Variants in CAST observed in about 807,000 individuals in gnomAD.
The protein encoded by CAST is calpastatin.
A neutral mutation model predicts 119.6 loss-of-function variants in CAST; 76 were observed. The ratio of observed to expected loss-of-function variants is 0.64; its 90% CI spans 0.53 to 0.77. The LOEUF is 0.77. Among genes scored for constraint, CAST ranks in the 30% least tolerant of loss-of-function variants. CAST has a pLI of 0.00. For synonymous variants in CAST, 319 were observed against 331.6 expected, an observed-to-expected ratio of 0.96 and a Z score of 0.41; for missense variants, 953 against 946.5, an observed-to-expected ratio of 1.01 and a Z score of -0.09.
At chr5:96,447,498 A>T in the CAST span, among the ~76,000 whole-genome samples, 1 of 152,154 alleles carries the variant, frequency 6.6e-6, no homozygotes, top group Admixed American at 6.6e-5. Flanking sequence ...ACTCACACAC[A>T]TCCACACACG....
At chr5:96,628,912 C>G (rs1747772041) in intron 1 of CAST, among the ~76,000 whole-genome samples, 1 of 152,150 alleles carries the variant, frequency 6.6e-6, no homozygotes, top group African/African-American at 2.4e-5. Context: ...TGTGGCAATT[C>G]TGATGCACAT....
At chr5:96,264,225 C>G in the CAST span, among the ~76,000 whole-genome samples, 1 of 152,092 alleles carries the variant, frequency 6.6e-6, no homozygotes, top group African/African-American at 2.4e-5. Context: ...GGAGTCTTAG[C>G]GCAATATTCA....
At chr5:96,459,794 T>C in the CAST span, among the ~76,000 whole-genome samples, 9 of 152,214 alleles carry the variant, frequency 5.9e-5, no homozygotes, top group African/African-American at 2.2e-4. Flanking sequence ...TTTGCTTGTG[T>C]AATTATGCAT....
the CAST span, among the ~76,000 whole-genome samples, chr5:96,011,983 G>A: frequency 3.9e-5 from 6 of 152,216 alleles, no homozygotes; most frequent in South Asian, 1.2e-3. Context: ...TTTGCTTGGG[G>A]TAGATGTACT....
the CAST span, among the ~76,000 whole-genome samples, chr5:96,270,705 C>T: frequency 4.0e-5 from 6 of 151,460 alleles, no homozygotes; most frequent in Admixed American, 2.6e-4. Flanking sequence ...GGGGCCTATC[C>T]GAGGGGGTGA....
the CAST span, chr5:96,400,187 C>T: frequency 6.2e-7 from 1 of 1,610,342 alleles, no homozygotes; most frequent in South Asian, 1.1e-5. Flanking sequence ...GAGATTTGGG[C>T]TGGAGGGGAA....
At chr5:96,280,819 CCT>C in the CAST span, among the ~76,000 whole-genome samples, 1 of 152,028 alleles carries the variant, frequency 6.6e-6, no homozygotes, top group African/African-American at 2.4e-5. Context: ...ACACTAAGCC[CCT>C]GTTACCTCAA....
At chr5:96,553,041 T>C (rs1489954873) in intron 1 of CAST, among the ~76,000 whole-genome samples, 2 of 152,170 alleles carry the variant, frequency 1.3e-5, no homozygotes, top group African/African-American at 4.8e-5. Flanking sequence ...ATAGAGGGAA[T>C]CCTCACTAAC....
the CAST span, among the ~76,000 whole-genome samples, chr5:96,154,135 G>A: frequency 2.6e-5 from 4 of 151,940 alleles, no homozygotes; most frequent in Admixed American, 6.6e-5. Flanking sequence ...AAAATTAGCC[G>A]GGTGTGGTGG....
chr5:96,572,890 G>C (rs1746594786), intron 1 of CAST, among the ~76,000 whole-genome samples: 1 of 152,210 alleles, frequency 6.6e-6, no homozygotes, highest in Admixed American at 6.5e-5. Flanking sequence ...TGGATGCACA[G>C]CATCATGCAC....
At chr5:96,283,137 A>AAG in the CAST span, among the ~76,000 whole-genome samples, 1 of 132,984 alleles carries the variant, frequency 7.5e-6, no homozygotes, top group East Asian at 2.2e-4. Flanking sequence ...CTCAAAAAAA[A>AAG]AAAAAAAAGA....
chr5:96,186,820 T>C, the CAST span, among the ~76,000 whole-genome samples: 1 of 152,202 alleles, frequency 6.6e-6, no homozygotes, highest in Non-Finnish European at 1.5e-5. Context: ...CTTTTTTTGT[T>C]GTATCTCTGC....
At chr5:96,168,341 G>C in the CAST span, among the ~76,000 whole-genome samples, 1 of 152,310 alleles carries the variant, frequency 6.6e-6, no homozygotes, top group African/African-American at 2.4e-5. Context: ...GCCTTGAGAA[G>C]TGTTTTTATT....
chr5:96,124,497 CTTGAAACACATCCAACTATATGG>C, the CAST span, among the ~76,000 whole-genome samples: 56 of 152,268 alleles, frequency 3.7e-4, no homozygotes, highest in African/African-American at 1.3e-3. Context: ...TTTTAAAAAT[CTTGAAACACATCCAACTATATGG>C]TTGACTCAGA....
At chr5:96,441,686 T>C in the CAST span, among the ~76,000 whole-genome samples, 2 of 152,202 alleles carry the variant, frequency 1.3e-5, no homozygotes, top group African/African-American at 2.4e-5. Flanking sequence ...GTATAAAGTA[T>C]GTAGAAAGCA....
chr5:96,353,612 A>T, the CAST span, among the ~76,000 whole-genome samples: 1 of 151,462 alleles, frequency 6.6e-6, no homozygotes, highest in Non-Finnish European at 1.5e-5. Flanking sequence ...ACAAAAGGAC[A>T]GATGAAGGAT....
the CAST span, among the ~76,000 whole-genome samples, chr5:96,095,561 A>C: frequency 4.2e-5 from 1 of 23,556 alleles, no homozygotes; most frequent in African/African-American, 1.4e-4. Context: ...TGTTTCAAAA[A>C]AAAAAAAAAA....
chr5:96,355,049 C>T, the CAST span, among the ~76,000 whole-genome samples: 2 of 152,036 alleles, frequency 1.3e-5, no homozygotes, highest in Admixed American at 1.3e-4. Context: ...TTCAGGGATA[C>T]ATGTGCAGAA....
intron 1 of CAST, among the ~76,000 whole-genome samples, chr5:96,559,045 G>T (rs1224831749): frequency 6.6e-6 from 1 of 152,086 alleles, no homozygotes; most frequent in Non-Finnish European, 1.5e-5. Flanking sequence ...ATGCAAGGCT[G>T]GTTCAACATA....
Sources: allele counts gnomAD v4.1 joint callset (sites outside exome capture counted in the v4.1 genomes callset), GRCh38; gene constraint gnomAD v4.1.1; transcripts MANE v1.5; gene names NCBI Gene and HGNC (gene_info 2026-07-23, HGNC 2026-07-21).